Variants in IGSF10 observed in about 807,000 individuals in gnomAD.
IGSF10 encodes calvaria mechanical force protein 608.
In IGSF10, 126 loss-of-function variants were observed where a neutral mutation model predicts 128.2. The observed-to-expected ratio is 0.98, with a 90% CI of 0.85 to 1.14. The LOEUF (loss-of-function observed/expected upper bound fraction) is 1.14. Ranked by LOEUF, IGSF10 falls within the 50% of genes most tolerant of loss-of-function variation. The pLI is 0.00. For missense variants in IGSF10, 3,295 were observed against 3,149.8 expected, an observed-to-expected ratio of 1.05 and a Z score of -1.10; for synonymous variants, 1,185 against 1,146.2, an observed-to-expected ratio of 1.03 and a Z score of -0.68.
the IGSF10 span, among the ~76,000 whole-genome samples, chr3:151,466,808 A>G: frequency 6.6e-6 from 1 of 151,886 alleles, no homozygotes; most frequent in Non-Finnish European, 1.5e-5. Context: ...TGAACTCCTG[A>G]CCTCAGGTGA....
upstream of IGSF10, among the ~76,000 whole-genome samples, chr3:151,462,923 C>A (rs1159029694): frequency 6.6e-6 from 1 of 152,158 alleles, no homozygotes; most frequent in Non-Finnish European, 1.5e-5. Flanking sequence ...GTTTTGGCAG[C>A]CACAGTTTAT....
At chr3:151,606,164 C>T in the IGSF10 span, among the ~76,000 whole-genome samples, 1 of 152,184 alleles carries the variant, frequency 6.6e-6, no homozygotes, top group South Asian at 2.1e-4. Flanking sequence ...AACGCTTTCT[C>T]TATGATTGCA....
At chr3:151,501,955 T>C in the IGSF10 span, among the ~76,000 whole-genome samples, 1 of 152,080 alleles carries the variant, frequency 6.6e-6, no homozygotes, top group South Asian at 2.1e-4. Flanking sequence ...TCTTCTCTAA[T>C]TTAAATCAAG....
downstream of IGSF10, chr3:151,432,718 C>T: frequency 6.4e-7 from 1 of 1,565,956 alleles, no homozygotes; most frequent in Non-Finnish European, 8.8e-7. Flanking sequence ...AGTTTTGTGT[C>T]TGTAATTTTG....
chr3:151,484,501 C>A, the IGSF10 span, among the ~76,000 whole-genome samples: 1 of 152,170 alleles, frequency 6.6e-6, no homozygotes, highest in Non-Finnish European at 1.5e-5. Flanking sequence ...TGTATCCTGA[C>A]TGGGAGACAC....
intron 4 of IGSF10, among the ~76,000 whole-genome samples, chr3:151,454,103 C>T (rs537947401): frequency 6.6e-5 from 10 of 151,512 alleles, no homozygotes; most frequent in South Asian, 4.2e-4. Context: ...CTGCAACCTC[C>T]GCCTCCTGGT....
At chr3:151,530,423 A>G in the IGSF10 span, among the ~76,000 whole-genome samples, 1 of 152,274 alleles carries the variant, frequency 6.6e-6, no homozygotes, top group South Asian at 2.1e-4. Flanking sequence ...CAGATTCACC[A>G]AGGTTGAAAT....
At chr3:151,560,512 T>C in the IGSF10 span, among the ~76,000 whole-genome samples, 1 of 152,144 alleles carries the variant, frequency 6.6e-6, no homozygotes, top group Non-Finnish European at 1.5e-5. Flanking sequence ...ACTTAATTCA[T>C]AGCCCAGCCA....
the IGSF10 span, among the ~76,000 whole-genome samples, chr3:151,614,206 C>G: frequency 1.3e-5 from 2 of 152,158 alleles, no homozygotes; most frequent in Non-Finnish European, 2.9e-5. Context: ...AATAGGAACA[C>G]TTTTACACTG....
the IGSF10 span, among the ~76,000 whole-genome samples, chr3:151,468,454 T>A: frequency 6.6e-6 from 1 of 152,214 alleles, no homozygotes; most frequent in African/African-American, 2.4e-5. Flanking sequence ...GTAAGAGGTC[T>A]GCCAATAAGC....
At chr3:151,496,861 G>T in the IGSF10 span, among the ~76,000 whole-genome samples, 1 of 151,900 alleles carries the variant, frequency 6.6e-6, no homozygotes, top group Non-Finnish European at 1.5e-5. Flanking sequence ...ACTTTTTAAT[G>T]ATTGCCATTC....
chr3:151,603,457 C>T, the IGSF10 span, among the ~76,000 whole-genome samples: 1 of 152,214 alleles, frequency 6.6e-6, no homozygotes, highest in Admixed American at 6.5e-5. Context: ...TTCTAAGAGG[C>T]TAGCTCCTTT....
At chr3:151,513,623 A>C in the IGSF10 span, among the ~76,000 whole-genome samples, 793 of 152,238 alleles carry the variant, frequency 5.2e-3, 7 homozygotes, top group African/African-American at 0.018. Context: ...CTGGCCAGGG[A>C]AATCAGGCAG....
chr3:151,440,406 C>T (rs1720778469), intron 7 of IGSF10, among the ~76,000 whole-genome samples: 1 of 151,632 alleles, frequency 6.6e-6, no homozygotes, highest in African/African-American at 2.4e-5. Flanking sequence ...ATTTTTTTTT[C>T]CCCAAGTATG....
chr3:151,545,204 C>T, the IGSF10 span, among the ~76,000 whole-genome samples: 1 of 152,062 alleles, frequency 6.6e-6, no homozygotes, highest in African/African-American at 2.4e-5. Flanking sequence ...TTATTGTGGG[C>T]CTGTTTTCAC....
At chr3:151,490,416 C>T in the IGSF10 span, among the ~76,000 whole-genome samples, 17 of 151,556 alleles carry the variant, frequency 1.1e-4, no homozygotes, top group Middle Eastern at 3.5e-3. Flanking sequence ...GACAGCAATA[C>T]GATAGTGGGG....
At chr3:151,459,205 ATGT>A (rs1381895405) in intron 2 of IGSF10, among the ~76,000 whole-genome samples, 2 of 152,174 alleles carry the variant, frequency 1.3e-5, no homozygotes, top group East Asian at 1.9e-4. Flanking sequence ...ATCCTTAAAC[ATGT>A]TGTTGTATTC....
chr3:151,518,549 C>A, the IGSF10 span, among the ~76,000 whole-genome samples: 6 of 151,982 alleles, frequency 3.9e-5, no homozygotes, highest in Non-Finnish European at 7.4e-5. Flanking sequence ...AGAACAATTG[C>A]TTTAATGCAG....
chr3:151,442,929 G>GT, intron 7 of IGSF10, 55 bp downstream of exon 7: 2 of 1,482,532 alleles, frequency 1.3e-6, no homozygotes, highest in Non-Finnish European at 1.8e-6. Context: ...CATTTCAGAA[G>GT]TTGTACAGCT....
Sources: gnomAD v4.1 joint callset for allele counts (sites outside exome capture counted in the v4.1 genomes callset) on GRCh38, gnomAD v4.1.1 for gene constraint, MANE v1.5 for transcripts, NCBI Gene and HGNC (gene_info 2026-07-23, HGNC 2026-07-21) for gene names.